ATG5: variants seen among roughly 807,000 people sequenced by gnomAD.
ATG5 encodes autophagy protein 5.
ATG5 carries 14 observed loss-of-function variants against 36.5 expected under a neutral mutation model. The observed-to-expected ratio is 0.38, with a 90% CI of 0.25 to 0.60. The LOEUF is 0.60. Among genes scored for constraint, ATG5 ranks in the 20% least tolerant of loss-of-function variants. ATG5 has a pLI of 0.60. For missense variants in ATG5, 195 were observed against 326.7 expected (o/e 0.60, Z 3.11); for synonymous variants, 95 against 101.5 (o/e 0.94, Z 0.38).
chr6:106,269,676 G>A (rs1779373422), intron 5 of ATG5, among the ~76,000 whole-genome samples: 1 of 152,224 alleles, frequency 6.6e-6, no homozygotes, highest in South Asian at 2.1e-4. Context: ...CCCGGGGCCG[G>A]CAGGGCCGGC....
At chr6:106,231,883 AC>A (rs1486476104) in intron 6 of ATG5, among the ~76,000 whole-genome samples, 2 of 152,188 alleles carry the variant, frequency 1.3e-5, no homozygotes, top group Non-Finnish European at 2.9e-5. Context: ...AGGCAAGCGG[AC>A]TTTGGAGGCA....
intron 6 of ATG5, among the ~76,000 whole-genome samples, chr6:106,226,505 AAG>A (rs1231578511): frequency 1.3e-5 from 2 of 152,190 alleles, no homozygotes; most frequent in African/African-American, 2.4e-5. Context: ...CAAAGACTTT[AAG>A]AGAGTTATTT....
At chr6:106,306,543 CCCA>C (rs1380319025) in intron 3 of ATG5, among the ~76,000 whole-genome samples, 2 of 152,152 alleles carry the variant, frequency 1.3e-5, no homozygotes, top group Admixed American at 1.3e-4. Context: ...TACAGGGTAG[CCCA>C]CCACAACAAA....
intron 6 of ATG5, among the ~76,000 whole-genome samples, chr6:106,237,760 G>C (rs1226329808): frequency 2.6e-5 from 4 of 151,984 alleles, no homozygotes; most frequent in East Asian, 3.9e-4. Context: ...ATCATATTAC[G>C]AGCCCCAAAT....
chr6:106,202,849 G>A (rs887872008), intron 6 of ATG5, among the ~76,000 whole-genome samples: 1 of 152,112 alleles, frequency 6.6e-6, no homozygotes, highest in African/African-American at 2.4e-5. Context: ...TTTTACTAGA[G>A]ATGGGGTTTC....
chr6:106,217,080 T>C (rs1365875807), intron 6 of ATG5, among the ~76,000 whole-genome samples: 1 of 152,120 alleles, frequency 6.6e-6, no homozygotes, highest in African/African-American at 2.4e-5. Context: ...ATGCATTTTG[T>C]GGGTTTTTTA....
At chr6:106,224,276 G>A (rs118090650) in intron 6 of ATG5, among the ~76,000 whole-genome samples, 270 of 152,280 alleles carry the variant, frequency 1.8e-3, no homozygotes, top group Non-Finnish European at 3.1e-3. Context: ...AGAATGGAGG[G>A]AGAAAAAGCA....
chr6:106,200,742 A>G (rs1582540473), intron 7 of ATG5, among the ~76,000 whole-genome samples: 1 of 152,186 alleles, frequency 6.6e-6, no homozygotes, highest in East Asian at 1.9e-4. Flanking sequence ...GGCCTCCCAA[A>G]GTGCTAGGAT....
chr6:106,302,263 C>G (rs1269694795), intron 3 of ATG5, among the ~76,000 whole-genome samples: 1 of 151,888 alleles, frequency 6.6e-6, no homozygotes, highest in Non-Finnish European at 1.5e-5. Context: ...AACGGAAGCC[C>G]AAAACATTAT....
intron 5 of ATG5, among the ~76,000 whole-genome samples, chr6:106,268,172 T>G (rs1249305177): frequency 2.0e-5 from 3 of 151,938 alleles, no homozygotes; most frequent in Admixed American, 1.3e-4. Flanking sequence ...ACAAGGAACT[T>G]AAACAAATTT....
At chr6:106,249,329 A>C (rs1298338083) in intron 5 of ATG5, among the ~76,000 whole-genome samples, 2 of 152,224 alleles carry the variant, frequency 1.3e-5, no homozygotes, top group Non-Finnish European at 2.9e-5. Flanking sequence ...CAGACATTTC[A>C]TATAAATGAA....
chr6:106,209,106 G>A (rs1437873573), intron 6 of ATG5, among the ~76,000 whole-genome samples: 3 of 152,202 alleles, frequency 2.0e-5, no homozygotes, highest in Non-Finnish European at 2.9e-5. Flanking sequence ...AGTCCCTCAG[G>A]AAAGGAGTAT....
chr6:106,198,664 C>A (rs546826065), intron 7 of ATG5, among the ~76,000 whole-genome samples: 2 of 152,122 alleles, frequency 1.3e-5, no homozygotes, highest in South Asian at 4.2e-4. Context: ...GTAATCCCAG[C>A]TACTAGGGAG....
intron 6 of ATG5, among the ~76,000 whole-genome samples, chr6:106,235,854 A>G (rs1777881682): frequency 6.6e-6 from 1 of 152,196 alleles, no homozygotes; most frequent in African/African-American, 2.4e-5. Flanking sequence ...TTAATACAAT[A>G]AAAGGAATAC....
At chr6:106,201,858 G>T (rs1582541901) in intron 7 of ATG5, 114 bp downstream of exon 7, 1 of 719,666 alleles carries the variant, frequency 1.4e-6, no homozygotes. Flanking sequence ...ACTTTTCGCT[G>T]TAAGATATGA....
intron 5 of ATG5, among the ~76,000 whole-genome samples, chr6:106,264,459 G>A (rs1779151105): frequency 6.6e-6 from 1 of 152,048 alleles, no homozygotes; most frequent in Non-Finnish European, 1.5e-5. Context: ...AAGCAAGACA[G>A]GCCAACATTC....
intron 3 of ATG5, among the ~76,000 whole-genome samples, chr6:106,299,047 T>G (rs540391500): frequency 1.3e-5 from 2 of 152,312 alleles, no homozygotes; most frequent in South Asian, 4.1e-4. Context: ...CATTGGCTAT[T>G]ATGTTGCTAC....
rs1057051749 is a variant in ATG5 at position 106,189,485 on chromosome 6, G to A, written c.692-2809C>T. On this transcript the variant is annotated intron_variant, in intron 7 of 7. Transcript: ENST00000369076. ...CAAAGATTAGCTTTAGCTGGGCGTGGTGGTGCATGCCTGTAGTTCCAGCTA... is the reference window on the plus strand; with the variant it reads ...CAAAGATTAGCTTTAGCTGGGCGTGATGGTGCATGCCTGTAGTTCCAGCTA... Among the ~76,000 whole-genome samples the A allele has an allele frequency of 3.9e-5, 6 of 152,156 alleles. No homozygotes were observed. The East Asian group carries it at 5.8e-4, about 15-fold the overall frequency.
intron 5 of ATG5, among the ~76,000 whole-genome samples, chr6:106,256,064 C>T (rs918143340): frequency 1.3e-5 from 2 of 152,078 alleles, no homozygotes; most frequent in Non-Finnish European, 2.9e-5. Context: ...GAAAGCAAGC[C>T]AAAGTCATAA....
Sources: allele counts gnomAD v4.1 joint callset (sites outside exome capture counted in the v4.1 genomes callset), GRCh38; gene constraint gnomAD v4.1.1; transcripts MANE v1.5; gene names NCBI Gene and HGNC (gene_info 2026-07-23, HGNC 2026-07-21).